TDRD10: variants seen among roughly 807,000 people sequenced by gnomAD.
The protein encoded by TDRD10 is tudor domain-containing protein 10.
Under a neutral mutation model 48.0 loss-of-function variants are expected in TDRD10, and 40 were observed. The observed-to-expected ratio is 0.83, with a 90% CI of 0.65 to 1.09. TDRD10 has a LOEUF of 1.09. Ranked by LOEUF, TDRD10 falls within the 50% of genes least tolerant of loss-of-function variation. The pLI, the probability that TDRD10 is intolerant of heterozygous loss-of-function variation, is 0.00. For missense variants in TDRD10, 378 were observed against 434.7 expected, an observed-to-expected ratio of 0.87 and a Z score of 1.16; for synonymous variants, 162 against 170.4, an observed-to-expected ratio of 0.95 and a Z score of 0.38.
intron 1 of TDRD10, among the ~76,000 whole-genome samples, chr1:154,503,623 T>C (rs561601050): frequency 1.3e-5 from 2 of 152,160 alleles, no homozygotes; most frequent in East Asian, 3.9e-4. Context: ...AAAAACACCT[T>C]TCTGGTTTAA....
intron 4 of TDRD10, among the ~76,000 whole-genome samples, chr1:154,514,097 G>C (rs1315942246): frequency 6.6e-6 from 1 of 152,234 alleles, no homozygotes; most frequent in Non-Finnish European, 1.5e-5. Context: ...GGCTGAGACA[G>C]GAGAATTGTT....
At chr1:154,523,329 C>T (rs1052832303) in intron 6 of TDRD10, among the ~76,000 whole-genome samples, 11 of 152,192 alleles carry the variant, frequency 7.2e-5, no homozygotes, top group African/African-American at 2.4e-4. Context: ...GCGCTGTCCC[C>T]CAGTCTTTGC....
At chr1:154,514,053 G>A (rs1424717286) in intron 4 of TDRD10, among the ~76,000 whole-genome samples, 1 of 152,158 alleles carries the variant, frequency 6.6e-6, no homozygotes, top group South Asian at 2.1e-4. Flanking sequence ...AGCCAGACAC[G>A]GTGGCGGGTG....
At chr1:154,539,578 G>T (rs1470489009) in intron 6 of TDRD10, among the ~76,000 whole-genome samples, 1 of 152,172 alleles carries the variant, frequency 6.6e-6, no homozygotes, top group Non-Finnish European at 1.5e-5. Flanking sequence ...CTCCCAAAGT[G>T]CTGGGATTAC....
At chr1:154,530,603 T>C (rs1255535911) in intron 6 of TDRD10, among the ~76,000 whole-genome samples, 1 of 152,072 alleles carries the variant, frequency 6.6e-6, no homozygotes, top group Non-Finnish European at 1.5e-5. Flanking sequence ...ATGGTTTTTC[T>C]CTGCATTCAA....
At chr1:154,533,684 C>T (rs1350240528) in intron 6 of TDRD10, among the ~76,000 whole-genome samples, 2 of 151,922 alleles carry the variant, frequency 1.3e-5, no homozygotes, top group African/African-American at 4.8e-5. Flanking sequence ...GTTGCCCAGA[C>T]TGGAGTGCAG....
At chr1:154,507,427 G>T in intron 3 of TDRD10, 107 bp downstream of exon 3, 3 of 1,293,914 alleles carry the variant, frequency 2.3e-6, no homozygotes, top group Non-Finnish European at 3.3e-6. Flanking sequence ...TGAAACTTGG[G>T]ATCTGCCTAG....
intron 12 of TDRD10, 37 bp downstream of exon 12, chr1:154,547,516 C>A: frequency 6.2e-7 from 1 of 1,614,224 alleles, no homozygotes; most frequent in Non-Finnish European, 8.5e-7. Flanking sequence ...TGTTGTCCCT[C>A]CACTCCTGCC....
chr1:154,545,927 ATTTTTTTTTTTTT>A (rs559924225), intron 11 of TDRD10, among the ~76,000 whole-genome samples: 4 of 85,498 alleles, frequency 4.7e-5, no homozygotes, highest in Admixed American at 3.8e-4. Flanking sequence ...CACCCAGCTA[ATTTTTTTTTTTTT>A]TTTTTTTTTT....
Position 154,521,343 on chromosome 1 carries a change from G to T in TDRD10, c.233G>T (p.Gly78Val). The change falls in exon 6 of 13, where the codon GGC (glycine) becomes GTC (valine). Residue 78 changes from glycine to valine, a missense_variant. By Grantham distance (109) the Gly-to-Val change is moderately radical. Transcript: ENST00000368482. Reference sequence around the variant, plus strand: ...TTCAGCTTTGCATTTGTAGATCTGGGCTCCATGCAGAAAGTGACACTTGCA... The same window carrying T: ...TTCAGCTTTGCATTTGTAGATCTGGTCTCCATGCAGAAAGTGACACTTGCA... ...GCKCFAFVDL[G>V]SMQKVTLAIQ... 2 of 1,614,026 alleles carry T rather than the reference G, an allele frequency of 1.2e-6. No homozygotes were observed. Among genetic ancestry groups the T allele is most frequent in the Non-Finnish European group, 1.7e-6 (2 of 1,180,008 alleles).
At chr1:154,536,719 G>A in intron 6 of TDRD10, among the ~76,000 whole-genome samples, 1 of 152,312 alleles carries the variant, frequency 6.6e-6, no homozygotes, top group South Asian at 2.1e-4. Context: ...CTTTCGATGA[G>A]ATGGAGCTTT....
At chr1:154,510,333 C>CT (rs1693388004) in intron 4 of TDRD10, among the ~76,000 whole-genome samples, 1 of 152,102 alleles carries the variant, frequency 6.6e-6, no homozygotes, top group Non-Finnish European at 1.5e-5. Context: ...TCGTTCATGC[C>CT]TGTAATCCCA....
intron 3 of TDRD10, among the ~76,000 whole-genome samples, chr1:154,508,182 TTTG>T (rs1305113306): frequency 2.0e-5 from 3 of 152,024 alleles, no homozygotes; most frequent in Non-Finnish European, 2.9e-5. Context: ...TGGGAGGATG[TTTG>T]TAGGGGTGTA....
intron 6 of TDRD10, among the ~76,000 whole-genome samples, chr1:154,532,999 C>T (rs941794069): frequency 1.3e-5 from 2 of 152,156 alleles, no homozygotes; most frequent in African/African-American, 4.8e-5. Flanking sequence ...GAGAGGGGGG[C>T]TTTCTCTCTG....
At chr1:154,513,059 G>A (rs1453705788) in intron 4 of TDRD10, among the ~76,000 whole-genome samples, 1 of 152,144 alleles carries the variant, frequency 6.6e-6, no homozygotes, top group African/African-American at 2.4e-5. Context: ...GGCATATAGG[G>A]ATTTGTAATA....
At chr1:154,535,234 G>A (rs1694859472) in intron 6 of TDRD10, among the ~76,000 whole-genome samples, 1 of 152,082 alleles carries the variant, frequency 6.6e-6, no homozygotes, top group South Asian at 2.1e-4. Flanking sequence ...AAGCGTGGTG[G>A]TGCACACCTG....
chr1:154,506,297 C>T (rs768999254), intron 1 of TDRD10, among the ~76,000 whole-genome samples: 20 of 152,142 alleles, frequency 1.3e-4, no homozygotes, highest in Non-Finnish European at 2.5e-4. Context: ...CGGCCCCTTC[C>T]TCCATCTTCA....
intron 9 of TDRD10, 48 bp from the exon 10 acceptor site, chr1:154,544,324 T>G (rs1356933080): frequency 2.6e-6 from 4 of 1,553,812 alleles, no homozygotes; most frequent in Non-Finnish European, 3.5e-6. Context: ...GGAGGCAGAT[T>G]TGTAATGCAG....
rs767665073 is a variant in TDRD10 at position 154,542,810 on chromosome 1, G to A, written c.492G>A (p.Pro164=). Residue 164 remains proline, a synonymous_variant, in exon 8 of 13, where the codon CCG becomes CCA. Transcript: ENST00000368482. ...EKLRAAFFAV[P]LEMRGSFLVL... is the part of the protein sequence containing the mutation. Reference sequence around the variant, plus strand: ...TGAGGGCAGCCTTCTTTGCAGTCCCGTTGGAAATGAGGTGAGCAAGGTATA... The same window carrying A: ...TGAGGGCAGCCTTCTTTGCAGTCCCATTGGAAATGAGGTGAGCAAGGTATA... The A allele has an allele frequency of 2.8e-5, 45 of 1,613,396 alleles. 1 individual carries two copies. The South Asian group carries it at 3.6e-4, about 13-fold the overall frequency.
Sources: allele counts gnomAD v4.1 joint callset (sites outside exome capture counted in the v4.1 genomes callset), GRCh38; gene constraint gnomAD v4.1.1; transcripts MANE v1.5; gene names NCBI Gene and HGNC (gene_info 2026-07-23, HGNC 2026-07-21).